Variants in SPRING1 observed in about 807,000 individuals in gnomAD.
SPRING1 encodes the protein SREBP regulating gene protein.
A neutral mutation model predicts 24.7 loss-of-function variants in SPRING1; 14 were observed. The ratio of observed to expected loss-of-function variants is 0.57; its 90% CI spans 0.37 to 0.88. The LOEUF is 0.88. Among genes scored for constraint, SPRING1 ranks in the 40% least tolerant of loss-of-function variants. The pLI, the probability that SPRING1 is intolerant of heterozygous loss-of-function variation, is 0.00. For missense variants in SPRING1, 255 were observed against 268.4 expected (o/e 0.95, Z 0.35); for synonymous variants, 93 against 106.1 (o/e 0.88, Z 0.76).
At position 116,737,980 on chromosome 12, in the gene SPRING1, C is replaced by A. The variant is rs2137053732; in HGVS notation, c.-80G>T. 1.7e-6 allele frequency: 2 copies of A among 1,203,708 alleles called. No homozygotes were observed. The highest frequency in any genetic ancestry group is 7.3e-5 in the South Asian group (2 of 27,516). The allele number at this position is 1,203,708 out of a possible 1,614,324, so 74.6% of individuals were successfully genotyped here. On this transcript the variant is annotated 5_prime_UTR_variant, in exon 1 of 5. Coordinates refer to ENST00000261318, the MANE Select transcript of SPRING1 (RefSeq NM_024738.4). ...TCCCGGGCGGCATGGCCCCTACGCG[C>A]CCGGCAGCCCCATCCCTCCAGGCAG...
At chr12:116,735,121 G>A (rs1440670943) in intron 1 of SPRING1, among the ~76,000 whole-genome samples, 1 of 152,172 alleles carries the variant, frequency 6.6e-6, no homozygotes, top group African/African-American at 2.4e-5. Flanking sequence ...GATATAGGGA[G>A]TGAGAGGAGA....
chr12:116,711,930 G>A lies in SPRING1; in HGVS notation c.*5880C>T, dbSNP rs1454177559. ...ACACCCGGCTGCCAACACCACTTTC[G>A]ATTTTGGGATAATCTGGGTGCACAG... is the stretch of plus-strand genomic sequence containing the variant. On this transcript the variant is annotated 3_prime_UTR_variant, in exon 5 of 5. Coordinates refer to ENST00000261318, the MANE Select transcript of SPRING1 (RefSeq NM_024738.4). 6.6e-6 allele frequency: 1 copy of A among 152,086 alleles called. No individual in the cohort carries two copies. The highest frequency in any genetic ancestry group is 6.6e-5 in the Admixed American group (1 of 15,266). The allele number at this position is 152,086 out of a possible 1,614,324, so 9.4% of individuals were successfully genotyped here. A position where few individuals can be genotyped will look rare whatever the true frequency, so the allele number is the denominator to read the frequency against.
At chr12:116,722,574 A>T (rs114550871) in intron 2 of SPRING1, among the ~76,000 whole-genome samples, 180 of 152,330 alleles carry the variant, frequency 1.2e-3, no homozygotes, top group African/African-American at 4.0e-3. Context: ...TTTCAATGTG[A>T]TCTGAAAAAT....
intron 1 of SPRING1, among the ~76,000 whole-genome samples, chr12:116,732,403 C>T (rs1871019496): frequency 6.6e-6 from 1 of 151,908 alleles, no homozygotes. Context: ...TAGTAAAACC[C>T]CATCTCTACT....
In SPRING1 at chr12:116,716,085, G is replaced by A. The variant is rs1386024508; in HGVS notation, c.*1725C>T. ...AAACAATAGATGGATGAGACATGCA[G>A]ACATGCCACAATCCGGCACATCAGA... On this transcript the variant is annotated 3_prime_UTR_variant, in exon 5 of 5. Coordinates refer to ENST00000261318, the MANE Select transcript of SPRING1 (RefSeq NM_024738.4). The A allele has an allele frequency of 2.6e-5, 4 of 152,232 alleles. No individual in the cohort carries two copies. The highest frequency in any genetic ancestry group is 2.6e-4 in the Admixed American group (4 of 15,288). The allele number at this position is 152,232 out of a possible 1,614,324, so 9.4% of individuals were successfully genotyped here. A position where few individuals can be genotyped will look rare whatever the true frequency, so the allele number is the denominator to read the frequency against.
intron 1 of SPRING1, among the ~76,000 whole-genome samples, chr12:116,737,432 G>A (rs981267561): frequency 6.6e-6 from 1 of 150,932 alleles, no homozygotes; most frequent in Admixed American, 6.6e-5. Flanking sequence ...GAGGACGGAA[G>A]GAGGAAGGGA....
chr12:116,714,358 T>TC lies in SPRING1; in HGVS notation c.*3451dup, dbSNP rs754466621. The TC allele has an allele frequency of 6.6e-6, 1 of 152,212 alleles. No homozygotes were observed. Among genetic ancestry groups the TC allele is most frequent in the Non-Finnish European group, 1.5e-5 (1 of 68,054 alleles). The allele number at this position is 152,212 out of a possible 1,614,324, so 9.4% of individuals were successfully genotyped here. On this transcript the variant is annotated 3_prime_UTR_variant, in exon 5 of 5. Coordinates refer to ENST00000261318, the MANE Select transcript of SPRING1 (RefSeq NM_024738.4). ...AGAAACTTGCAAATTGTGCAACTGT[T>TC]CCCCACGATTCCCTTGGGGCCAGTG...
At chr12:116,736,745 G>A (rs1457679684) in intron 1 of SPRING1, among the ~76,000 whole-genome samples, 3 of 152,150 alleles carry the variant, frequency 2.0e-5, no homozygotes, top group Non-Finnish European at 4.4e-5. Context: ...AATGCTTTGG[G>A]TAAGATTTCC....
Position 116,720,123 on chromosome 12 carries a change from G to A in SPRING1, c.420+173C>T, listed in dbSNP as rs1042722196. The stretch of plus-strand genomic sequence containing the variant: ...TGCAAAAGAACCATTCAAGCAACTG[G>A]GAACCACCTCCTTTCCTTAGATAAA... On this transcript the variant is annotated intron_variant, in intron 3 of 4. Transcript: ENST00000261318. The surrounding 1 kb of genome is among the most constrained non-coding windows in gnomAD (Gnocchi z 4.0). 11 of 867,884 alleles carry A rather than the reference G, an allele frequency of 1.3e-5. No individual in the cohort carries two copies. The African/African-American group carries it at 1.9e-4, about 15-fold the overall frequency. The allele number at this position is 867,884 out of a possible 1,614,324, so 53.8% of individuals were successfully genotyped here. A position where few individuals can be genotyped will look rare whatever the true frequency, so the allele number is the denominator to read the frequency against.
chr12:116,725,692 T>C (rs1049953485), intron 1 of SPRING1, among the ~76,000 whole-genome samples: 2 of 152,260 alleles, frequency 1.3e-5, no homozygotes, highest in Middle Eastern at 3.4e-3. Context: ...GAGACCATCC[T>C]GGCTAACACA....
At chr12:116,719,680 A>G in intron 4 of SPRING1, 83 bp downstream of exon 4, 1 of 1,181,324 alleles carries the variant, frequency 8.5e-7, no homozygotes, top group East Asian at 2.4e-5. Flanking sequence ...CACCCCACCA[A>G]AAGGATCGAC....
At chr12:116,719,062 T>C (rs1870293818) in intron 4 of SPRING1, among the ~76,000 whole-genome samples, 3 of 152,148 alleles carry the variant, frequency 2.0e-5, no homozygotes, top group Non-Finnish European at 2.9e-5. Context: ...AGAGACACCA[T>C]GAATAGGAGC....
chr12:116,731,940 T>G lies in SPRING1; in HGVS notation c.111+5850A>C, dbSNP rs111421705. Among the ~76,000 whole-genome samples, 449 of 152,314 alleles carry G rather than the reference T, an allele frequency of 2.9e-3. 1 individual carries two copies. The highest frequency in any genetic ancestry group is 9.5e-3 in the African/African-American group (395 of 41,560). Reference sequence around the variant, plus strand: ...CTCCACGGTCACCACGGCTTCTGCCTGCAAGTGACAGTTCACATTGTATAA... The same window carrying G: ...CTCCACGGTCACCACGGCTTCTGCCGGCAAGTGACAGTTCACATTGTATAA... On this transcript the variant is annotated intron_variant, in intron 1 of 4. Coordinates refer to ENST00000261318, the MANE Select transcript of SPRING1 (RefSeq NM_024738.4).
intron 1 of SPRING1, 131 bp downstream of exon 1, chr12:116,737,659 A>G (rs1871332088): frequency 9.6e-7 from 1 of 1,043,044 alleles, no homozygotes; most frequent in African/African-American, 1.7e-5. Flanking sequence ...GAAAGAAAGG[A>G]AGGGAAGGGG....
rs981893915 is a variant in SPRING1, at chr12:116,711,781, C to CT, written c.*6028dup. 3.9e-5 allele frequency: 6 copies of CT among 152,000 alleles called. No homozygotes were observed. The highest frequency in any genetic ancestry group is 7.3e-5 in the Non-Finnish European group (5 of 68,224). The allele number at this position is 152,000 out of a possible 1,614,324, so 9.4% of individuals were successfully genotyped here. A position where few individuals can be genotyped will look rare whatever the true frequency, so the allele number is the denominator to read the frequency against. ...AGGTGTGCACTACCATGCCTGGCTC[C>CT]TTTTTTTTATTTTTTGTAGAGACAG... On this transcript the variant is annotated 3_prime_UTR_variant, in exon 5 of 5. Transcript: ENST00000261318.
chr12:116,721,512 C>T (rs1282475842), intron 2 of SPRING1, among the ~76,000 whole-genome samples: 1 of 152,192 alleles, frequency 6.6e-6, no homozygotes, highest in East Asian at 1.9e-4. Flanking sequence ...ACTAAAAGGG[C>T]CCTCACTTAA....
At position 116,723,259 on chromosome 12, in the gene SPRING1, C is replaced by T. The variant is rs1275329314; in HGVS notation, c.112-36G>A. On this transcript the variant is annotated intron_variant, in intron 1 of 4. Transcript: ENST00000261318. ...ACCATAAGTGAGAAGGTTAAGTATC[C>T]AGTATCCTTTCTTACAATTTCACCA... 2.5e-6 allele frequency: 4 copies of T among 1,607,520 alleles called. No individual in the cohort carries two copies. In the East Asian group the frequency reaches 6.7e-5, roughly 27 times the overall value.
rs543897902 is a variant in SPRING1, at chr12:116,725,864, C to T, written c.112-2641G>A. Among the ~76,000 whole-genome samples, 10 of 149,826 alleles carry T rather than the reference C, an allele frequency of 6.7e-5. No individual in the cohort carries two copies. The East Asian group carries it at 7.8e-4, about 12-fold the overall frequency. On this transcript the variant is annotated intron_variant, in intron 1 of 4. Transcript: ENST00000261318. ...TTGCGCCACTGCACTCCAGCCTGGG[C>T]GACAAAGTGAGACTCCGTCTCAAAA...
chr12:116,730,805 G>A (rs1038433771), intron 1 of SPRING1, among the ~76,000 whole-genome samples: 1 of 152,210 alleles, frequency 6.6e-6, no homozygotes, highest in Admixed American at 6.5e-5. Context: ...GCTAAGCGTA[G>A]CAGATACGCA....
Sources: gnomAD v4.1 joint callset for allele counts (sites outside exome capture counted in the v4.1 genomes callset) on GRCh38, gnomAD v4.1.1 for gene constraint, Gnocchi (gnomAD v3.1) non-coding constraint, MANE v1.5 for transcripts, NCBI Gene and HGNC (gene_info 2026-07-23, HGNC 2026-07-21) for gene names.